MTA3: variants seen among roughly 807,000 people sequenced by gnomAD.
MTA3 encodes metastasis-associated protein MTA3.
A neutral mutation model predicts 83.5 loss-of-function variants in MTA3; 34 were observed. That is an observed-to-expected ratio of 0.41 (90% CI 0.31 to 0.54). The LOEUF is 0.54. MTA3 is among the 20% of genes least tolerant of loss of function. MTA3 has a pLI of 0.33. For missense variants in MTA3, 761 were observed against 726.4 expected, an observed-to-expected ratio of 1.05 and a Z score of -0.55; for synonymous variants, 303 against 252.7, an observed-to-expected ratio of 1.20 and a Z score of -1.89.
chr2:42,561,632 C>T (rs1392165120), intron 2 of MTA3, among the ~76,000 whole-genome samples: 1 of 151,974 alleles, frequency 6.6e-6, no homozygotes, highest in African/African-American at 2.4e-5. Flanking sequence ...CCCAGGTGTC[C>T]TTTTCTCTTA....
rs1181991251 is a variant in MTA3, at chr2:42,579,288, CT to C, written c.190+92del. 1.4e-5 allele frequency: 13 copies of C among 931,800 alleles called. No homozygotes were observed. The East Asian group carries it at 2.9e-4, about 21-fold the overall frequency. 57.7% of individuals were successfully genotyped at this position (931,800 alleles called of 1,614,324 possible). ...AAACATGCTTTTTCTTACCTGAAGT[CT>C]TTTGCTTGTCCATTTATCTTCTTTG... On this transcript the variant is annotated intron_variant, in intron 3 of 16. Transcript: ENST00000405094.
chr2:42,640,992 C>T (rs146272037), intron 5 of MTA3, among the ~76,000 whole-genome samples: 9 of 152,260 alleles, frequency 5.9e-5, no homozygotes, highest in African/African-American at 1.7e-4. Flanking sequence ...CTGCAACCTC[C>T]GCCTCCCGGG....
At chr2:42,638,588 A>C in intron 4 of MTA3, among the ~76,000 whole-genome samples, 1 of 151,826 alleles carries the variant, frequency 6.6e-6, no homozygotes, top group South Asian at 2.1e-4. Flanking sequence ...CCTGGTCTCA[A>C]ACTCCTGGGC....
At chr2:42,582,576 G>A (rs867246350) in intron 3 of MTA3, among the ~76,000 whole-genome samples, 1 of 152,050 alleles carries the variant, frequency 6.6e-6, no homozygotes, top group Non-Finnish European at 1.5e-5. Context: ...TTGCTTGAGG[G>A]TAGGAGTTCG....
intron 2 of MTA3, among the ~76,000 whole-genome samples, chr2:42,554,890 A>G (rs1046422770): frequency 2.0e-5 from 3 of 152,128 alleles, no homozygotes; most frequent in Non-Finnish European, 4.4e-5. Flanking sequence ...CTTCCAGCTG[A>G]TTAAAAGGAT....
intron 14 of MTA3, among the ~76,000 whole-genome samples, chr2:42,710,050 T>G (rs888603373): frequency 3.3e-5 from 5 of 152,210 alleles, no homozygotes; most frequent in African/African-American, 1.2e-4. Context: ...GTGACAAAAC[T>G]TGCTGTCTGG....
intron 9 of MTA3, among the ~76,000 whole-genome samples, chr2:42,687,847 G>A (rs1344045732): frequency 1.3e-5 from 2 of 152,152 alleles, no homozygotes; most frequent in African/African-American, 4.8e-5. Context: ...GACTGCAGTT[G>A]CTCTATTTTC....
At chr2:42,702,577 C>G (rs1391296421) in intron 11 of MTA3, 1 of 152,212 alleles carries the variant, frequency 6.6e-6, no homozygotes, top group African/African-American at 2.4e-5. Context: ...AGCATATAAT[C>G]TGCATTTAGC....
intron 16 of MTA3, 100 bp from the exon 17 acceptor site, chr2:42,753,274 G>A (rs1304579172): frequency 6.5e-7 from 1 of 1,537,522 alleles, no homozygotes; most frequent in Non-Finnish European, 8.8e-7. Context: ...TCCTTTCCCT[G>A]AAGGTTGTGA....
intron 8 of MTA3, among the ~76,000 whole-genome samples, chr2:42,681,215 C>G (rs1691870671): frequency 6.6e-6 from 1 of 152,212 alleles, no homozygotes; most frequent in African/African-American, 2.4e-5. Flanking sequence ...CTTGCTGTTC[C>G]AAGCAAACCT....
At chr2:42,732,368 C>G (rs1668290895) in intron 16 of MTA3, among the ~76,000 whole-genome samples, 1 of 152,258 alleles carries the variant, frequency 6.6e-6, no homozygotes, top group Admixed American at 6.5e-5. Context: ...TTTCCACACT[C>G]TGAAGCCACG....
chr2:42,731,293 G>A (rs921204062), intron 16 of MTA3, among the ~76,000 whole-genome samples: 1 of 152,046 alleles, frequency 6.6e-6, no homozygotes, highest in Non-Finnish European at 1.5e-5. Context: ...GCACTGATTA[G>A]GTTATATGAA....
chr2:42,654,749 T>C (rs927926644), intron 6 of MTA3, among the ~76,000 whole-genome samples: 2 of 152,166 alleles, frequency 1.3e-5, no homozygotes, highest in Non-Finnish European at 2.9e-5. Context: ...TGAGTAGTTA[T>C]AACTACAGGC....
intron 15 of MTA3, 34 bp from the exon 16 acceptor site, chr2:42,722,855 G>A (rs1157256415): frequency 1.3e-6 from 2 of 1,549,104 alleles, no homozygotes; most frequent in Middle Eastern, 1.7e-4. Flanking sequence ...TTAATATCAT[G>A]TTCTGAATTG....
chr2:42,572,951 C>T (rs901174185), intron 2 of MTA3, among the ~76,000 whole-genome samples: 1 of 152,132 alleles, frequency 6.6e-6, no homozygotes, highest in South Asian at 2.1e-4. Context: ...TGGCCTTGAA[C>T]TCCTGACCTC....
chr2:42,667,448 C>T (rs1690324289), intron 8 of MTA3, among the ~76,000 whole-genome samples: 2 of 152,054 alleles, frequency 1.3e-5, no homozygotes, highest in Admixed American at 6.6e-5. Flanking sequence ...CTACTTTTGT[C>T]TCTATGAATT....
At chr2:42,573,972 C>T (rs1438850952) in intron 2 of MTA3, among the ~76,000 whole-genome samples, 4 of 151,686 alleles carry the variant, frequency 2.6e-5, no homozygotes, top group African/African-American at 9.7e-5. Flanking sequence ...GAGCCTGCCA[C>T]TACGCCTGGC....
intron 2 of MTA3, among the ~76,000 whole-genome samples, chr2:42,497,500 G>A (rs550368467): frequency 1.3e-4 from 19 of 151,536 alleles, no homozygotes; most frequent in African/African-American, 4.1e-4. Flanking sequence ...CACGAGAATC[G>A]CTTGAACCCG....
intron 8 of MTA3, among the ~76,000 whole-genome samples, chr2:42,675,942 C>A (rs527918046): frequency 7.9e-5 from 12 of 152,258 alleles, no homozygotes; most frequent in Admixed American, 3.3e-4. Flanking sequence ...CTCTGGTTTC[C>A]TTTATGAAGT....
Sources: gnomAD v4.1 joint callset for allele counts (sites outside exome capture counted in the v4.1 genomes callset) on GRCh38, gnomAD v4.1.1 for gene constraint, MANE v1.5 for transcripts, NCBI Gene and HGNC (gene_info 2026-07-23, HGNC 2026-07-21) for gene names.